The following XPO7 variants were observed in gnomAD, a reference collection of about 807,000 sequenced individuals.
XPO7 encodes exportin 7, also known as exportin-7.
A neutral mutation model predicts 144.3 loss-of-function variants in XPO7; 21 were observed. The ratio of observed to expected loss-of-function variants is 0.15; its 90% CI spans 0.10 to 0.21. XPO7 has a LOEUF of 0.21. XPO7 is among the 10% of genes least tolerant of loss of function. The probability of loss-of-function intolerance (pLI) is 1.00; values close to 1 mark genes in which losing one functional copy is unlikely to be tolerated. For synonymous variants in XPO7, 580 were observed against 499.6 expected, an observed-to-expected ratio of 1.16 and a Z score of -2.15; for missense variants, 808 against 1,325.8, an observed-to-expected ratio of 0.61 and a Z score of 6.06.
intron 24 of XPO7, among the ~76,000 whole-genome samples, chr8:22,001,433 A>C (rs1392645822): frequency 6.6e-6 from 1 of 152,128 alleles, no homozygotes; most frequent in African/African-American, 2.4e-5. Flanking sequence ...GCCTTACCTC[A>C]TCAGAGTTCT....
At chr8:21,990,450 C>G in intron 17 of XPO7, 43 bp downstream of exon 17, 1 of 1,602,134 alleles carries the variant, frequency 6.2e-7, no homozygotes. Flanking sequence ...CTACCACCCA[C>G]ACATACACTT....
chr8:21,947,173 T>C (rs529578176), intron 1 of XPO7, among the ~76,000 whole-genome samples: 2 of 152,244 alleles, frequency 1.3e-5, no homozygotes, highest in South Asian at 4.1e-4. Flanking sequence ...TTTAGGGCTA[T>C]GGAGACAAAG....
chr8:21,966,754 T>C, intron 1 of XPO7, 103 bp from the exon 2 acceptor site: 1 of 1,465,518 alleles, frequency 6.8e-7, no homozygotes, highest in Non-Finnish European at 9.1e-7. Context: ...GAAGCAATTC[T>C]TTCTTTACTG....
chr8:21,982,845 C>G (rs767439302), intron 11 of XPO7, 33 bp downstream of exon 11: 2 of 1,562,872 alleles, frequency 1.3e-6, no homozygotes, highest in South Asian at 2.4e-5. Flanking sequence ...ATTCCCGCAC[C>G]AGTGGCCTGT....
At chr8:21,997,431 A>G (rs1271205991) in intron 21 of XPO7, among the ~76,000 whole-genome samples, 2 of 152,246 alleles carry the variant, frequency 1.3e-5, no homozygotes, top group African/African-American at 4.8e-5. Flanking sequence ...AGAGAAGGTA[A>G]TATTAACTAG....
chr8:22,005,219 T>C lies in XPO7; in HGVS notation c.*131T>C. On this transcript the variant is annotated 3_prime_UTR_variant, in exon 28 of 28. Coordinates refer to ENST00000252512, the MANE Select transcript of XPO7 (RefSeq NM_015024.5). ...AGGGGTGTGGGGAAAATGGCAAAGG[T>C]CAACTAGCTGCTTCCCCAGGGAATA... is the stretch of plus-strand genomic sequence containing the variant. The C allele has an allele frequency of 1.5e-6, 1 of 660,426 alleles. No homozygotes were observed. The highest frequency in any genetic ancestry group is 2.5e-6 in the Non-Finnish European group (1 of 405,458). 40.9% of individuals were successfully genotyped at this position (660,426 alleles called of 1,614,324 possible).
intron 1 of XPO7, among the ~76,000 whole-genome samples, chr8:21,930,423 G>C (rs1257483566): frequency 2.6e-5 from 4 of 152,128 alleles, no homozygotes; most frequent in Admixed American, 2.6e-4. Flanking sequence ...ATCGGTGATA[G>C]GACACATCTA....
chr8:22,004,622 G>A (rs552216262), intron 27 of XPO7, among the ~76,000 whole-genome samples: 2 of 152,082 alleles, frequency 1.3e-5, no homozygotes, highest in Non-Finnish European at 2.9e-5. Context: ...TAATTCAGGG[G>A]CACGGTAGCC....
chr8:21,990,133 GC>G (rs1173067612), intron 16 of XPO7, among the ~76,000 whole-genome samples: 1 of 152,028 alleles, frequency 6.6e-6, no homozygotes, highest in African/African-American at 2.4e-5. Flanking sequence ...ACAGGCGTGA[GC>G]CACCGCGCCC....
intron 23 of XPO7, 115 bp from the exon 24 acceptor site, chr8:21,999,421 C>CT (rs1296489232): frequency 5.8e-6 from 9 of 1,563,576 alleles, no homozygotes; most frequent in Non-Finnish European, 7.8e-6. Context: ...TCCTTTTGCT[C>CT]TAACTAAGTC....
intron 4 of XPO7, among the ~76,000 whole-genome samples, chr8:21,970,803 T>TA (rs1293828862): frequency 6.6e-5 from 10 of 151,712 alleles, no homozygotes; most frequent in African/African-American, 2.4e-4. Context: ...ATAATGGAAC[T>TA]GGAAAAAAAA....
intron 21 of XPO7, among the ~76,000 whole-genome samples, chr8:21,997,578 G>A (rs989871244): frequency 6.6e-6 from 1 of 152,210 alleles, no homozygotes; most frequent in Non-Finnish European, 1.5e-5. Flanking sequence ...GGGGGAGGCT[G>A]TGGGAGCAGG....
rs763381581 is a variant in XPO7, at chr8:21,966,839, C to T, written c.19-18C>T. 5.0e-6 allele frequency: 8 copies of T among 1,604,238 alleles called. No individual in the cohort carries two copies. In the Admixed American group the frequency reaches 1.4e-4, roughly 27 times the overall value. On this transcript the variant is annotated intron_variant, in intron 1 of 27. Coordinates refer to ENST00000252512, the MANE Select transcript of XPO7 (RefSeq NM_015024.5). Reference sequence around the variant, plus strand: ...GTAGTAGGCTGAACTGTTTTCTTTCCTGACTGATCTTTTCCAGAGCCTGGC... The same window carrying T: ...GTAGTAGGCTGAACTGTTTTCTTTCTTGACTGATCTTTTCCAGAGCCTGGC...
At chr8:21,982,567 T>G in intron 10 of XPO7, 73 bp from the exon 11 acceptor site, 1 of 1,480,350 alleles carries the variant, frequency 6.8e-7, no homozygotes, top group Non-Finnish European at 9.0e-7. Flanking sequence ...GTCTTTATCT[T>G]CTGTGTCAGT....
At chr8:21,949,160 A>G (rs1490098374) in intron 1 of XPO7, among the ~76,000 whole-genome samples, 1 of 152,274 alleles carries the variant, frequency 6.6e-6, no homozygotes, top group Non-Finnish European at 1.5e-5. Flanking sequence ...GAAAAATCTC[A>G]TGAACTGACA....
chr8:21,995,172 G>T (rs1228771698), intron 20 of XPO7, among the ~76,000 whole-genome samples: 1 of 152,088 alleles, frequency 6.6e-6, no homozygotes, highest in African/African-American at 2.4e-5. Context: ...CTCTTTAATA[G>T]TTATGTAAAG....
At chr8:21,968,428 A>G (rs1811953084) in intron 2 of XPO7, among the ~76,000 whole-genome samples, 1 of 152,238 alleles carries the variant, frequency 6.6e-6, no homozygotes, top group African/African-American at 2.4e-5. Flanking sequence ...TGAATGATAC[A>G]AAGTCATGGT....
chr8:21,967,391 C>T (rs1026224771), intron 2 of XPO7, among the ~76,000 whole-genome samples: 5 of 152,104 alleles, frequency 3.3e-5, no homozygotes, highest in East Asian at 3.9e-4. Context: ...AGTGCAATGG[C>T]GTGATCTTGG....
chr8:22,004,904 C>G (rs1360603607), intron 27 of XPO7, 91 bp from the exon 28 acceptor site: 4 of 708,784 alleles, frequency 5.6e-6, no homozygotes, highest in Non-Finnish European at 9.1e-6. Context: ...TTCATACATT[C>G]TACTTCCCAT....
Sources: gnomAD v4.1 joint callset for allele counts (sites outside exome capture counted in the v4.1 genomes callset) on GRCh38, gnomAD v4.1.1 for gene constraint, MANE v1.5 for transcripts, NCBI Gene and HGNC (gene_info 2026-07-23, HGNC 2026-07-21) for gene names.